The following LSAMP variants were observed in gnomAD, a reference collection of about 807,000 sequenced individuals.
The protein encoded by LSAMP is limbic system associated membrane protein.
Under a neutral mutation model 38.6 loss-of-function variants are expected in LSAMP, and 7 were observed. That is an observed-to-expected ratio of 0.18 (90% confidence interval 0.10 to 0.34). The LOEUF (loss-of-function observed/expected upper bound fraction) is 0.34. Ranked by LOEUF, LSAMP falls within the 10% of genes least tolerant of loss-of-function variation. The pLI is 1.00. For synonymous variants in LSAMP, 154 were observed against 166.8 expected (o/e 0.92, Z 0.59); for missense variants, 313 against 420.0 (o/e 0.75, Z 2.23).
At chr3:115,817,429 C>T (rs1188021960) in intron 6 of LSAMP, among the ~76,000 whole-genome samples, 1 of 151,856 alleles carries the variant, frequency 6.6e-6, no homozygotes, top group Non-Finnish European at 1.5e-5. Flanking sequence ...TAGAGCTTGG[C>T]AGGTAGTGGA....
intron 1 of LSAMP, among the ~76,000 whole-genome samples, chr3:116,124,198 T>C (rs183297406): frequency 4.5e-4 from 68 of 152,330 alleles, no homozygotes; most frequent in Non-Finnish European, 8.4e-4. Flanking sequence ...GTACTTCTCA[T>C]TTTTTGAGTT....
At chr3:116,286,975 T>TTCTA (rs1283013304) in intron 1 of LSAMP, among the ~76,000 whole-genome samples, 1 of 152,062 alleles carries the variant, frequency 6.6e-6, no homozygotes, top group Non-Finnish European at 1.5e-5. Flanking sequence ...CCTCATCCCT[T>TTCTA]TCTATCTATA....
chr3:116,161,049 T>G (rs2107538496), intron 1 of LSAMP, among the ~76,000 whole-genome samples: 1 of 152,328 alleles, frequency 6.6e-6, no homozygotes, highest in South Asian at 2.1e-4. Context: ...AAGTAGCTAG[T>G]GCAAGTGAAG....
chr3:115,856,814 G>T (rs541954377), intron 3 of LSAMP, among the ~76,000 whole-genome samples: 9 of 152,204 alleles, frequency 5.9e-5, no homozygotes, highest in African/African-American at 1.9e-4. Context: ...TTGTTTATAA[G>T]CTACCCAGTC....
intron 1 of LSAMP, among the ~76,000 whole-genome samples, chr3:116,415,195 C>A (rs2049033505): frequency 6.8e-6 from 1 of 146,910 alleles, no homozygotes; most frequent in Non-Finnish European, 1.5e-5. Context: ...CTATCTTAGT[C>A]CAAATTTGTT....
At chr3:115,936,414 T>C (rs1423484756) in intron 3 of LSAMP, among the ~76,000 whole-genome samples, 1 of 152,188 alleles carries the variant, frequency 6.6e-6, no homozygotes, top group Non-Finnish European at 1.5e-5. Context: ...ATTAATTTGG[T>C]GTGCTTTTTC....
At chr3:116,269,058 A>G (rs1224251917) in intron 1 of LSAMP, among the ~76,000 whole-genome samples, 1 of 152,046 alleles carries the variant, frequency 6.6e-6, no homozygotes, top group Non-Finnish European at 1.5e-5. Context: ...GCTGCTGTAT[A>G]GAATAGTAGT....
chr3:116,057,967 A>ACACACACCCACC (rs1553699987), intron 2 of LSAMP, among the ~76,000 whole-genome samples: 2 of 147,542 alleles, frequency 1.4e-5, no homozygotes, highest in South Asian at 4.3e-4. Flanking sequence ...CCACACACAC[A>ACACACACCCACC]CACACACACA....
chr3:115,943,106 A>C (rs1010895291), intron 3 of LSAMP, among the ~76,000 whole-genome samples: 6 of 152,192 alleles, frequency 3.9e-5, no homozygotes, highest in Admixed American at 3.9e-4. Flanking sequence ...TGAGGGGGGC[A>C]CATTTCAGTA....
At chr3:116,270,947 T>G (rs986692693) in intron 1 of LSAMP, among the ~76,000 whole-genome samples, 1 of 152,146 alleles carries the variant, frequency 6.6e-6, no homozygotes, top group African/African-American at 2.4e-5. Context: ...AGATTTCAAT[T>G]ACTTCGTATG....
Position 116,410,341 on chromosome 3 carries a change from G to C in LSAMP, c.155+34536C>G, listed in dbSNP as rs145698518. Among the ~76,000 whole-genome samples, 90 of 152,094 alleles carry C rather than the reference G, an allele frequency of 5.9e-4. 2 individuals are homozygous for C. In the East Asian group the frequency reaches 0.015, roughly 25 times the overall value. On this transcript the variant is annotated intron_variant, in intron 1 of 6. Transcript: ENST00000490035. ...AAGGGATTTTTGAACAAAACCTCCA[G>C]TGTCATGTTATTCTAATGGACTCTG...
intron 1 of LSAMP, among the ~76,000 whole-genome samples, chr3:116,324,313 T>C (rs2047741979): frequency 1.3e-5 from 2 of 152,176 alleles, no homozygotes; most frequent in Admixed American, 6.6e-5. Flanking sequence ...GTTCTCTGTA[T>C]ATTAGCTGAA....
intron 3 of LSAMP, among the ~76,000 whole-genome samples, chr3:115,919,474 T>G (rs1030661124): frequency 6.6e-6 from 1 of 152,134 alleles, no homozygotes; most frequent in African/African-American, 2.4e-5. Context: ...GAGGTCAGGT[T>G]TGGGTTGAGC....
At chr3:116,174,651 C>T (rs1256723234) in intron 1 of LSAMP, among the ~76,000 whole-genome samples, 1 of 151,928 alleles carries the variant, frequency 6.6e-6, no homozygotes, top group Non-Finnish European at 1.5e-5. Flanking sequence ...CAACTTATTA[C>T]CTCATAGGGT....
At chr3:116,300,172 C>T (rs1049637318) in intron 1 of LSAMP, among the ~76,000 whole-genome samples, 2 of 152,152 alleles carry the variant, frequency 1.3e-5, no homozygotes, top group Admixed American at 6.5e-5. Context: ...TTTTAGGTTC[C>T]CATGTCCAAG....
chr3:116,278,215 G>A (rs1275715650), intron 1 of LSAMP, among the ~76,000 whole-genome samples: 1 of 152,090 alleles, frequency 6.6e-6, no homozygotes. Context: ...AACACACCCG[G>A]AAGCTGAAAT....
intron 1 of LSAMP, among the ~76,000 whole-genome samples, chr3:116,197,067 A>G (rs573855101): frequency 1.3e-5 from 2 of 151,948 alleles, no homozygotes; most frequent in South Asian, 2.1e-4. Flanking sequence ...AGTACTTTGT[A>G]TCAGCAGTCT....
chr3:115,980,755 G>T (rs1165562904), intron 3 of LSAMP, among the ~76,000 whole-genome samples: 2 of 152,142 alleles, frequency 1.3e-5, no homozygotes, highest in Non-Finnish European at 2.9e-5. Flanking sequence ...AAGCCCCAAG[G>T]TCCCAGCTGT....
intron 1 of LSAMP, among the ~76,000 whole-genome samples, chr3:116,292,526 T>G (rs1286294977): frequency 3.3e-5 from 5 of 152,168 alleles, no homozygotes; most frequent in Admixed American, 3.3e-4. Context: ...CTTGAGCAAA[T>G]GCACCCAGTG....
Sources: allele counts gnomAD v4.1 joint callset (sites outside exome capture counted in the v4.1 genomes callset), GRCh38; gene constraint gnomAD v4.1.1; transcripts MANE v1.5; gene names NCBI Gene and HGNC (gene_info 2026-07-23, HGNC 2026-07-21).